The following DST variants were observed in gnomAD, a reference collection of about 807,000 sequenced individuals.
DST encodes bullous pemphigoid antigen.
DST carries 253 observed loss-of-function variants against 875.2 expected under a neutral mutation model. The observed-to-expected ratio is 0.29, with a 90% CI of 0.26 to 0.32. The LOEUF (loss-of-function observed/expected upper bound fraction) is 0.32, where lower values mean the gene tolerates loss of function less well. DST is among the 10% of genes least tolerant of loss of function. The probability of loss-of-function intolerance (pLI) is 1.00; values close to 1 mark genes in which losing one functional copy is unlikely to be tolerated. For missense variants in DST, 8,287 were observed against 9,111.6 expected (o/e 0.91, Z 3.68); for synonymous variants, 3,124 against 3,197.1 (o/e 0.98, Z 0.77).
At chr6:56,920,895 ATTTTT>A (rs35394550) in intron 2 of DST, among the ~76,000 whole-genome samples, 17 of 59,690 alleles carry the variant, frequency 2.8e-4, no homozygotes, top group Middle Eastern at 0.014. Context: ...CGCCCAGCTA[ATTTTT>A]TTTTTTTTTT....
In DST at chr6:56,605,028, A is replaced by G. The variant is rs769889946; in HGVS notation, c.9600T>C (p.Asn3200=). 4.9e-5 allele frequency: 79 copies of G among 1,612,718 alleles called. 1 individual carries two copies. The highest frequency in any genetic ancestry group is 6.4e-5 in the Non-Finnish European group (76 of 1,179,290). ...TTAAAACATGGCTTGGGACATCTTC[A>G]TTTGGTTTGGCTACATCTTTTGCTT... The part of the protein sequence containing the change: ...NIKAKDVAKP[N]EDVPSHVLIT... Residue 3200 remains asparagine, a synonymous_variant, in exon 40 of 104, where the codon AAT becomes AAC. Coordinates refer to ENST00000680361, the MANE Select transcript of DST (RefSeq NM_001374736.1).
chr6:56,569,869 A>G lies in DST; in HGVS notation c.13865T>C (p.Leu4622Ser). ...SFGAEDLGKS[L>S]EDTKKLQEKW... Reference sequence around the variant, plus strand: ...ACAATGATTCACCTTAGTGTCTTCCAAAGATTTTCCTAAATCCTCTGCACC... The same window carrying G: ...ACAATGATTCACCTTAGTGTCTTCCGAAGATTTTCCTAAATCCTCTGCACC... The change falls in exon 54 of 104, where the codon TTG becomes TCG. Residue 4622 changes from leucine to serine, a missense_variant. Leu to Ser is a moderately radical substitution (Grantham distance 145). Around this residue, in one of 10 missense-constraint regions of DST, gnomAD observed 1,513 missense variants for 1,677.8 expected, o/e 0.90. Coordinates refer to ENST00000680361, the MANE Select transcript of DST (RefSeq NM_001374736.1). 1 of 1,611,478 alleles carries G rather than the reference A, an allele frequency of 6.2e-7. No individual in the cohort carries two copies. The highest frequency in any genetic ancestry group is 1.1e-5 in the South Asian group (1 of 90,078).
At chr6:56,637,893 A>G (rs1020269379) in intron 22 of DST, among the ~76,000 whole-genome samples, 1 of 152,154 alleles carries the variant, frequency 6.6e-6, no homozygotes, top group Non-Finnish European at 1.5e-5. Flanking sequence ...GCAGCATTGA[A>G]TATCTGGCAA....
intron 10 of DST, among the ~76,000 whole-genome samples, chr6:56,659,345 G>T (rs955685166): frequency 3.3e-5 from 5 of 152,174 alleles, no homozygotes; most frequent in African/African-American, 7.2e-5. Context: ...TGAAAAACTC[G>T]AGTGTTTACT....
At position 56,853,921 on chromosome 6, in the gene DST, A is replaced by G. The variant is rs189324381; in HGVS notation, c.418-2317T>C. Among the ~76,000 whole-genome samples the G allele has an allele frequency of 9.9e-3, 1,496 of 151,618 alleles. 32 individuals carry two copies. The highest frequency in any genetic ancestry group is 0.035 in the African/African-American group (1,443 of 41,404). On this transcript the variant is annotated intron_variant, in intron 3 of 103. Transcript: ENST00000680361. ...TATATCATAGGAAAATATGGACCCC[A>G]CACACACACACAAACTGAGGGAAAT...
rs770400593 is a variant in DST at position 56,851,388 on chromosome 6, T to A, written c.625+9A>T. On this transcript the variant is annotated intron_variant, in intron 4 of 103. Coordinates refer to ENST00000680361, the MANE Select transcript of DST (RefSeq NM_001374736.1). ...CCCCCACTCCATCCCCTTCCCCAGA[T>A]GCTCTTACCTGCTATCCGAAGCACT... 6.2e-7 allele frequency: 1 copy of A among 1,611,174 alleles called. No homozygotes were observed. Among genetic ancestry groups the A allele is most frequent in the South Asian group, 1.1e-5 (1 of 90,928 alleles).
chr6:56,762,408 T>C (rs1278201255), intron 4 of DST, among the ~76,000 whole-genome samples: 1 of 152,110 alleles, frequency 6.6e-6, no homozygotes, highest in African/African-American at 2.4e-5. Context: ...CCAACAAAAA[T>C]TTACAAAGCA....
chr6:56,628,199 G>A lies in DST; in HGVS notation c.4476-38C>T, dbSNP rs546650807. ...TAACCGAATAGTCACGGTGTCCAGC[G>A]ATATCCATCAGGAGGGTGGAAGATG... is the stretch of plus-strand genomic sequence containing the variant. On this transcript the variant is annotated intron_variant, in intron 32 of 103. Transcript: ENST00000680361. The A allele has an allele frequency of 1.7e-4, 271 of 1,577,030 alleles. 3 individuals are homozygous for A. The South Asian group carries it at 2.6e-3, about 15-fold the overall frequency.
At position 56,610,506 on chromosome 6, in the gene DST, C is replaced by T; in HGVS notation, c.5204G>A (p.Ser1735Asn). The T allele has an allele frequency of 6.4e-7, 1 of 1,567,260 alleles. No homozygotes were observed. ...AGATTCACTGAATAATAAATTATAA[C>T]TTTCCTGAAGAGTTTTCACTTGTTT... Reference protein sequence around the residue: ...LEKQVKTLQESYNLLFSESLK... With the variant: ...LEKQVKTLQENYNLLFSESLK... The change falls in exon 39 of 104, where the codon AGT becomes AAT. Residue 1735 changes from serine (S) to asparagine (N), a missense_variant. By Grantham distance (46) the Ser-to-Asn change is conservative. Around this residue, in one of 10 missense-constraint regions of DST, gnomAD observed 3,138 missense variants for 3,116.6 expected, o/e 1.01. Transcript: ENST00000680361.
At chr6:56,657,255 A>G (rs1187300291) in intron 10 of DST, among the ~76,000 whole-genome samples, 1 of 152,176 alleles carries the variant, frequency 6.6e-6, no homozygotes, top group Non-Finnish European at 1.5e-5. Context: ...CCTCAGCAGG[A>G]GACAGTGAAC....
In DST at chr6:56,471,231, C is replaced by T. The variant is rs1212250838; in HGVS notation, c.22196G>A (p.Arg7399His). Reference sequence around the variant, plus strand: ...ATTCATCCATCGCATGTATTTTTTGCGCCAGATATCAAAATCAAAGTTAGC... The same window carrying T: ...ATTCATCCATCGCATGTATTTTTTGTGCCAGATATCAAAATCAAAGTTAGC... ...EFANFDFDIW[R>H]KKYMRWMNHK... The change falls in exon 95 of 104, where the codon CGC becomes CAC. Residue 7399 changes from arginine to histidine, a missense_variant. Physicochemically the swap from Arg to His is conservative, Grantham distance 29. This residue lies in a region of DST where 1,292 missense variants were observed against 1,552.7 expected (regional missense o/e 0.83). Coordinates refer to ENST00000680361, the MANE Select transcript of DST (RefSeq NM_001374736.1). 3.8e-6 allele frequency: 6 copies of T among 1,594,858 alleles called. No individual in the cohort carries two copies. Among genetic ancestry groups the T allele is most frequent in the East Asian group, 2.2e-5 (1 of 44,500 alleles).
intron 61 of DST, among the ~76,000 whole-genome samples, chr6:56,545,278 A>G (rs2097204728): frequency 6.6e-6 from 1 of 152,090 alleles, no homozygotes; most frequent in Non-Finnish European, 1.5e-5. Context: ...TGCTGGGATT[A>G]CAGGCATGAC....
intron 3 of DST, among the ~76,000 whole-genome samples, chr6:56,855,380 C>A: frequency 6.6e-6 from 1 of 152,076 alleles, no homozygotes; most frequent in East Asian, 1.9e-4. Context: ...TCAACGTGAG[C>A]TATACATACA....
chr6:56,820,354 G>T (rs1369057009), intron 4 of DST, among the ~76,000 whole-genome samples: 5 of 152,158 alleles, frequency 3.3e-5, no homozygotes, highest in Admixed American at 2.0e-4. Flanking sequence ...CTTGAGAGTG[G>T]ACTGTTGAAT....
intron 98 of DST, chr6:56,467,376 T>G (rs932117972): frequency 2.0e-5 from 3 of 152,108 alleles, no homozygotes; most frequent in Admixed American, 6.6e-5. Flanking sequence ...CAGAAGGACC[T>G]AGAAAGCATG....
At chr6:56,644,916 G>A (rs1186158089) in intron 15 of DST, among the ~76,000 whole-genome samples, 1 of 152,156 alleles carries the variant, frequency 6.6e-6, no homozygotes, top group South Asian at 2.1e-4. Flanking sequence ...GAATCACGGG[G>A]GCGATTTCCC....
At chr6:56,722,182 C>A (rs1259853232) in intron 5 of DST, among the ~76,000 whole-genome samples, 2 of 151,818 alleles carry the variant, frequency 1.3e-5, no homozygotes, top group African/African-American at 2.4e-5. Flanking sequence ...TGTCCAAAGG[C>A]TCCTTGGTTA....
intron 2 of DST, among the ~76,000 whole-genome samples, chr6:56,934,560 T>TTATATATATATATA (rs60018139): frequency 9.2e-4 from 98 of 106,470 alleles, no homozygotes; most frequent in African/African-American, 3.2e-3. Flanking sequence ...ATATATTATA[T>TTATATATATATATA]TATATATATA....
chr6:56,734,433 AACC>A (rs2099515705), intron 5 of DST, among the ~76,000 whole-genome samples: 1 of 152,224 alleles, frequency 6.6e-6, no homozygotes, highest in Admixed American at 6.5e-5. Context: ...AAGAATACAT[AACC>A]ACATTTAAAA....
Sources: allele counts gnomAD v4.1 joint callset (sites outside exome capture counted in the v4.1 genomes callset), GRCh38; gene constraint gnomAD v4.1.1; regional missense constraint gnomAD v4.1.1; transcripts MANE v1.5; gene names NCBI Gene and HGNC (gene_info 2026-07-23, HGNC 2026-07-21).